The following ZNF208 variants were observed in gnomAD, a reference collection of about 807,000 sequenced individuals.
The protein encoded by ZNF208 is zinc finger protein 95.
A neutral mutation model predicts 12.1 loss-of-function variants in ZNF208; 10 were observed. That is an observed-to-expected ratio of 0.83 (90% CI 0.51 to 1.40). The LOEUF is 1.40. ZNF208 is among the 40% of genes most tolerant of loss of function. The pLI, the probability that ZNF208 is intolerant of heterozygous loss-of-function variation, is 0.00. For missense variants in ZNF208, 1,652 were observed against 1,485.0 expected (o/e 1.11, Z -1.85); for synonymous variants, 497 against 488.4 (o/e 1.02, Z -0.23).
At chr19:22,008,494 A>AGT (rs1971089287) in intron 1 of ZNF208, among the ~76,000 whole-genome samples, 1 of 151,794 alleles carries the variant, frequency 6.6e-6, no homozygotes, top group Non-Finnish European at 1.5e-5. Flanking sequence ...ACTATGCCCC[A>AGT]GTGAGTGCCC....
At chr19:21,952,995 C>T (rs927898799) in intron 4 of ZNF208, among the ~76,000 whole-genome samples, 3 of 152,146 alleles carry the variant, frequency 2.0e-5, no homozygotes, top group Non-Finnish European at 2.9e-5. Flanking sequence ...GAGCTGAAAA[C>T]CATGGCATGA....
chr19:21,977,248 C>T (rs1463876047), intron 3 of ZNF208, among the ~76,000 whole-genome samples: 1 of 152,214 alleles, frequency 6.6e-6, no homozygotes, highest in Non-Finnish European at 1.5e-5. Context: ...TATTACACCA[C>T]ACTTTCTGTA....
chr19:21,975,385 C>G (rs1260844960), intron 3 of ZNF208, among the ~76,000 whole-genome samples: 2 of 152,016 alleles, frequency 1.3e-5, no homozygotes, highest in Admixed American at 1.3e-4. Context: ...ACCAGATGTA[C>G]CAAGTGATTA....
intron 2 of ZNF208, among the ~76,000 whole-genome samples, chr19:21,988,286 A>T (rs961945921): frequency 1.3e-5 from 2 of 152,182 alleles, no homozygotes; most frequent in African/African-American, 4.8e-5. Context: ...AAAAGAAATT[A>T]TACAAAAAAG....
intron 3 of ZNF208, among the ~76,000 whole-genome samples, chr19:21,979,035 A>T (rs978323234): frequency 2.0e-5 from 3 of 152,200 alleles, no homozygotes; most frequent in African/African-American, 7.2e-5. Flanking sequence ...ACAAAAAAGA[A>T]TAAAAAGAAA....
intron 3 of ZNF208, among the ~76,000 whole-genome samples, chr19:21,983,705 A>G (rs541694714): frequency 9.2e-4 from 140 of 152,266 alleles, no homozygotes; most frequent in Non-Finnish European, 1.6e-3. Context: ...CTTTCCAGGG[A>G]CATGGATGAA....
chr19:22,008,757 G>A (rs1971093640), intron 1 of ZNF208, among the ~76,000 whole-genome samples: 1 of 152,124 alleles, frequency 6.6e-6, no homozygotes, highest in South Asian at 2.1e-4. Context: ...TATCTCAAGG[G>A]GTTAGCTTTC....
chr19:21,987,080 T>G (rs778993066), intron 3 of ZNF208, 136 bp downstream of exon 3: 3 of 870,440 alleles, frequency 3.4e-6, no homozygotes, highest in Non-Finnish European at 5.0e-6. Context: ...GAGAGAAAAT[T>G]AAAGAATAAA....
At chr19:21,995,674 A>C (rs1190033255) in intron 1 of ZNF208, among the ~76,000 whole-genome samples, 1 of 152,192 alleles carries the variant, frequency 6.6e-6, no homozygotes, top group Non-Finnish European at 1.5e-5. Context: ...CTGTTGGGTA[A>C]GTAGAAGGAC....
At chr19:21,956,823 T>C (rs1425290293) in intron 4 of ZNF208, among the ~76,000 whole-genome samples, 1 of 152,026 alleles carries the variant, frequency 6.6e-6, no homozygotes, top group Admixed American at 6.6e-5. Context: ...CGGCTCACAC[T>C]CCATAGGCTG....
At chr19:21,941,574 C>A (rs1969742363) in intron 4 of ZNF208, 3 of 300,566 alleles carry the variant, frequency 1.0e-5, no homozygotes, top group Non-Finnish European at 1.8e-5. Context: ...CATGCTTTAG[C>A]TTTTTTTTTT....
At chr19:21,948,176 A>G (rs1039522066) in intron 4 of ZNF208, among the ~76,000 whole-genome samples, 1 of 152,178 alleles carries the variant, frequency 6.6e-6, no homozygotes, top group Admixed American at 6.5e-5. Context: ...ATTCCCCTCT[A>G]GTGCATTCTG....
In ZNF208 at chr19:21,973,197, C is replaced by A. The variant is rs372689849; in HGVS notation, c.1837G>T (p.Glu613Ter). 140 of 1,613,420 alleles carry A rather than the reference C, an allele frequency of 8.7e-5. No individual in the cohort carries two copies. The highest frequency in any genetic ancestry group is 1.1e-4 in the Non-Finnish European group (132 of 1,179,762). The change falls in exon 4 of 4, where the codon GAA becomes TAA. Residue 613 changes from glutamate (E) to a stop codon, truncating the protein, a stop_gained. Transcript: ENST00000397126. LOFTEE classifies it low-confidence loss of function (END_TRUNC). ...ACCTTACTAAAGGTTTTGCCACATT[C>A]TTCACATTTGTAGGGTTTCTCACCA... is the stretch of plus-strand genomic sequence containing the variant. ...HTGEKPYKCE[E>*]CGKTFSKVST...
rs531641398 is a variant in ZNF208, at chr19:22,010,781, G to A, written c.3+11C>T. The A allele has an allele frequency of 1.9e-6, 3 of 1,614,128 alleles. No homozygotes were observed. Among genetic ancestry groups the A allele is most frequent in the South Asian group, 2.2e-5 (2 of 91,078 alleles). ...GCCACTCTCTCAGTGTGTCGGACCC[G>A]GCACACTCACCATTTCTAGGCTTCC... On this transcript the variant is annotated intron_variant, in intron 1 of 3. Coordinates refer to ENST00000397126, the MANE Select transcript of ZNF208 (RefSeq NM_007153.3).
intron 4 of ZNF208, among the ~76,000 whole-genome samples, chr19:21,954,177 G>C (rs1465396168): frequency 6.6e-6 from 1 of 152,170 alleles, no homozygotes; most frequent in South Asian, 2.1e-4. Context: ...GTTCTAATTT[G>C]ATTGCACTGT....
At chr19:21,963,713 G>T (rs1970115944), downstream of ZNF208, among the ~76,000 whole-genome samples, 1 of 151,622 alleles carries the variant, frequency 6.6e-6, no homozygotes, top group South Asian at 2.1e-4. Flanking sequence ...ACACTTATTT[G>T]CTTGGCTGAA....
At chr19:21,939,883 G>A (rs1969706257) in intron 4 of ZNF208, 1 of 152,174 alleles carries the variant, frequency 6.6e-6, no homozygotes, top group Admixed American at 6.5e-5. Flanking sequence ...TGAGAAATCA[G>A]TTACACAATT....
intron 4 of ZNF208, among the ~76,000 whole-genome samples, chr19:21,949,389 A>C (rs151006509): frequency 1.7e-3 from 263 of 152,316 alleles, no homozygotes; most frequent in African/African-American, 5.8e-3. Flanking sequence ...GTCTAGTCAG[A>C]AGATACAAGA....
intron 1 of ZNF208, 33 bp downstream of exon 1, chr19:22,010,759 A>G (rs749158635): frequency 6.2e-7 from 1 of 1,613,834 alleles, no homozygotes; most frequent in Non-Finnish European, 8.5e-7. Flanking sequence ...AGCCCGGGCC[A>G]CTCTCTCAGT....
Sources: gnomAD v4.1 joint callset for allele counts (sites outside exome capture counted in the v4.1 genomes callset) on GRCh38, gnomAD v4.1.1 for gene constraint, MANE v1.5 for transcripts, NCBI Gene and HGNC (gene_info 2026-07-23, HGNC 2026-07-21) for gene names.